The following MAP2 variants were observed in gnomAD, a reference collection of about 807,000 sequenced individuals.
MAP2 encodes the protein microtubule-associated protein 2.
In MAP2, 14 loss-of-function variants were observed where a neutral mutation model predicts 137.6. The observed-to-expected ratio is 0.10, with a 90% CI of 0.07 to 0.16. MAP2 has a LOEUF of 0.16. Among genes scored for constraint, MAP2 ranks in the 10% least tolerant of loss-of-function variants. MAP2 has a pLI of 1.00. For missense variants in MAP2, 2,088 were observed against 2,191.5 expected, an observed-to-expected ratio of 0.95 and a Z score of 0.94; for synonymous variants, 786 against 782.3, an observed-to-expected ratio of 1.00 and a Z score of -0.08.
intron 2 of MAP2, among the ~76,000 whole-genome samples, chr2:209,548,152 T>G (rs1020022739): frequency 2.0e-5 from 3 of 152,194 alleles, no homozygotes; most frequent in African/African-American, 7.2e-5. Flanking sequence ...TAAATTGGAC[T>G]TCAGGATCCA....
At chr2:209,712,491 T>C (rs1009311114) in intron 13 of MAP2, among the ~76,000 whole-genome samples, 10 of 152,172 alleles carry the variant, frequency 6.6e-5, no homozygotes, top group African/African-American at 1.9e-4. Flanking sequence ...TCCACAACAG[T>C]GGAGTTATGA....
At chr2:209,635,381 G>A (rs974260361) in intron 4 of MAP2, among the ~76,000 whole-genome samples, 2 of 152,032 alleles carry the variant, frequency 1.3e-5, no homozygotes, top group African/African-American at 4.8e-5. Context: ...AAGGATATAT[G>A]GCCTTTTAAG....
intron 1 of MAP2, among the ~76,000 whole-genome samples, chr2:209,449,567 A>T (rs1484391362): frequency 5.5e-5 from 7 of 126,180 alleles, no homozygotes; most frequent in African/African-American, 2.6e-4. Flanking sequence ...TATATATATA[A>T]AATATAGAAA....
At chr2:209,490,191 A>G (rs2058903255) in intron 1 of MAP2, among the ~76,000 whole-genome samples, 1 of 152,216 alleles carries the variant, frequency 6.6e-6, no homozygotes, top group Admixed American at 6.5e-5. Flanking sequence ...CTTCATAAGC[A>G]AAGAAGAAAT....
intron 1 of MAP2, among the ~76,000 whole-genome samples, chr2:209,502,958 A>G (rs927596622): frequency 7.4e-6 from 1 of 135,464 alleles, no homozygotes; most frequent in Admixed American, 7.2e-5. Flanking sequence ...GCTTTGAGAT[A>G]TTGTTTCATG....
At chr2:209,633,313 G>A (rs1473611471) in intron 4 of MAP2, among the ~76,000 whole-genome samples, 2 of 152,096 alleles carry the variant, frequency 1.3e-5, no homozygotes, top group Non-Finnish European at 2.9e-5. Context: ...GGTATTAATT[G>A]TGCCTTTAGG....
At chr2:209,483,560 C>T (rs546069098) in intron 1 of MAP2, among the ~76,000 whole-genome samples, 23 of 152,218 alleles carry the variant, frequency 1.5e-4, no homozygotes, top group South Asian at 1.5e-3. Flanking sequence ...GCTGATAGAG[C>T]GAGACTCCAT....
intron 4 of MAP2, among the ~76,000 whole-genome samples, chr2:209,649,876 C>G (rs947122394): frequency 5.9e-5 from 9 of 152,086 alleles, no homozygotes; most frequent in Non-Finnish European, 1.3e-4. Context: ...GGCTAGCCAG[C>G]CTTTTCTTCT....
chr2:209,595,181 A>C (rs1270924003), intron 3 of MAP2, among the ~76,000 whole-genome samples: 2 of 151,326 alleles, frequency 1.3e-5, no homozygotes, highest in Admixed American at 1.3e-4. Flanking sequence ...CTAAGTAAAA[A>C]TAAATGTGAA....
chr2:209,553,907 A>T (rs2069840729), intron 2 of MAP2, among the ~76,000 whole-genome samples: 1 of 152,168 alleles, frequency 6.6e-6, no homozygotes, highest in African/African-American at 2.4e-5. Flanking sequence ...GGATTTCTGT[A>T]TGTAAATACT....
intron 1 of MAP2, among the ~76,000 whole-genome samples, chr2:209,469,753 G>T (rs1222190745): frequency 6.6e-6 from 1 of 152,164 alleles, no homozygotes; most frequent in Non-Finnish European, 1.5e-5. Context: ...ACCTAAGCAA[G>T]TGTAGTTCAT....
chr2:209,675,813 C>T (rs1488446516), intron 5 of MAP2, among the ~76,000 whole-genome samples: 1 of 151,668 alleles, frequency 6.6e-6, no homozygotes, highest in Non-Finnish European at 1.5e-5. Flanking sequence ...ACATATAAAA[C>T]ACTCTCAGAC....
chr2:209,427,032 T>TA (rs1474916672), intron 1 of MAP2, among the ~76,000 whole-genome samples: 15 of 152,228 alleles, frequency 9.9e-5, no homozygotes, highest in African/African-American at 3.6e-4. Context: ...GTTGGCATTT[T>TA]AAAAAATCAT....
intron 7 of MAP2, among the ~76,000 whole-genome samples, chr2:209,683,840 T>G (rs1216343167): frequency 6.6e-6 from 1 of 152,222 alleles, no homozygotes; most frequent in Non-Finnish European, 1.5e-5. Flanking sequence ...TTCAGCGATT[T>G]TGAGGATACA....
intron 2 of MAP2, among the ~76,000 whole-genome samples, chr2:209,570,491 G>A (rs2074216693): frequency 6.6e-6 from 1 of 151,812 alleles, no homozygotes; most frequent in South Asian, 2.1e-4. Context: ...AAAAAGACTG[G>A]CACTTTATAG....
chr2:209,538,973 A>C (rs1453833345), intron 2 of MAP2, among the ~76,000 whole-genome samples: 1 of 152,176 alleles, frequency 6.6e-6, no homozygotes, highest in Non-Finnish European at 1.5e-5. Flanking sequence ...TTAACTTTTA[A>C]TTAAACACTA....
At chr2:209,723,460 G>T (rs1584651261) in intron 13 of MAP2, 2 of 638,290 alleles carry the variant, frequency 3.1e-6, no homozygotes, top group East Asian at 2.7e-5. Flanking sequence ...TTCAGTTCCA[G>T]TGTTAGATTT....
intron 2 of MAP2, among the ~76,000 whole-genome samples, chr2:209,550,143 A>G (rs998927275): frequency 5.9e-5 from 9 of 152,310 alleles, no homozygotes; most frequent in Non-Finnish European, 1.3e-4. Flanking sequence ...TGCATTTTAC[A>G]TTAGAAACAT....
At chr2:209,687,921 C>A (rs1185358431) in intron 7 of MAP2, among the ~76,000 whole-genome samples, 1 of 152,142 alleles carries the variant, frequency 6.6e-6, no homozygotes, top group Non-Finnish European at 1.5e-5. Context: ...TCCCCAGTGT[C>A]ACAGCGCAGA....
Sources: gnomAD v4.1 joint callset for allele counts (sites outside exome capture counted in the v4.1 genomes callset) on GRCh38, gnomAD v4.1.1 for gene constraint, MANE v1.5 for transcripts, NCBI Gene and HGNC (gene_info 2026-07-23, HGNC 2026-07-21) for gene names.